Variants in SMYD3 observed in about 807,000 individuals in gnomAD.
The protein encoded by SMYD3 is histone-lysine N-methyltransferase SMYD3.
In SMYD3, 36 loss-of-function variants were observed where a neutral mutation model predicts 57.7. The observed-to-expected ratio is 0.62, with a 90% CI of 0.48 to 0.82. The LOEUF (loss-of-function observed/expected upper bound fraction) is 0.82. SMYD3 is among the 40% of genes least tolerant of loss of function. The probability of loss-of-function intolerance (pLI) is 0.00; values close to 1 mark genes in which losing one functional copy is unlikely to be tolerated. For missense variants in SMYD3, 515 were observed against 538.8 expected (o/e 0.96, Z 0.44); for synonymous variants, 211 against 195.0 (o/e 1.08, Z -0.68).
At chr1:245,973,845 C>G (rs1414714267) in intron 5 of SMYD3, among the ~76,000 whole-genome samples, 1 of 152,148 alleles carries the variant, frequency 6.6e-6, no homozygotes. Flanking sequence ...CTATTTCTCA[C>G]CAAGTCATTC....
At chr1:245,756,978 A>G (rs2045633122) in intron 11 of SMYD3, among the ~76,000 whole-genome samples, 1 of 152,114 alleles carries the variant, frequency 6.6e-6, no homozygotes, top group African/African-American at 2.4e-5. Context: ...ACAATATGGT[A>G]AAGTACACAA....
chr1:246,265,452 T>TTTG (rs1553322315), intron 5 of SMYD3, among the ~76,000 whole-genome samples: 1 of 152,318 alleles, frequency 6.6e-6, no homozygotes, highest in East Asian at 1.9e-4. Flanking sequence ...CTTCGTTTTT[T>TTTG]TTGTTGTTGT....
rs1460995688 is a variant in SMYD3 at position 246,507,174 on chromosome 1, C to A, written c.44G>T (p.Gly15Val). 1 of 1,532,220 alleles carries A rather than the reference C, an allele frequency of 6.5e-7. No individual in the cohort carries two copies. Among genetic ancestry groups the A allele is most frequent in the Admixed American group, 2.0e-5 (1 of 48,912 alleles). The allele number at this position is 1,532,220 out of a possible 1,614,324, so 94.9% of individuals were successfully genotyped here. A position where few individuals can be genotyped will look rare whatever the true frequency, so the allele number is the denominator to read the frequency against. The change falls in exon 1 of 12, where the codon GGA becomes GTA. Residue 15 changes from glycine to valine, a missense_variant. Physicochemically the swap from Gly to Val is moderately radical, Grantham distance 109. Transcript: ENST00000490107. ...CGGGGTCACGGCGCGCAGCCCGTTTCCCCTCTTGGCGGTTGCGAACTTTTC... is the reference window on the plus strand; with the variant it reads ...CGGGGTCACGGCGCGCAGCCCGTTTACCCTCTTGGCGGTTGCGAACTTTTC... ...KVEKFATAKR[G>V]NGLRAVTPLR...
chr1:246,001,365 G>A (rs941518587), intron 5 of SMYD3, among the ~76,000 whole-genome samples: 6 of 152,262 alleles, frequency 3.9e-5, no homozygotes, highest in South Asian at 4.1e-4. Flanking sequence ...CCACAAGCAC[G>A]TCCTCCTCTT....
intron 5 of SMYD3, among the ~76,000 whole-genome samples, chr1:246,166,084 G>A (rs750363885): frequency 3.4e-4 from 52 of 151,616 alleles, no homozygotes; most frequent in Non-Finnish European, 6.6e-4. Context: ...TGTGGACTAG[G>A]TTCCCCTCCC....
intron 8 of SMYD3, among the ~76,000 whole-genome samples, chr1:245,867,644 ATG>A (rs1558438823): frequency 1.2e-4 from 18 of 145,320 alleles, no homozygotes; most frequent in Non-Finnish European, 2.1e-4. Flanking sequence ...AGATATGTGC[ATG>A]CGCGTGCGTG....
At chr1:245,880,112 G>A (rs1009657163) in intron 8 of SMYD3, among the ~76,000 whole-genome samples, 17 of 152,208 alleles carry the variant, frequency 1.1e-4, no homozygotes, top group Non-Finnish European at 1.9e-4. Flanking sequence ...GTGCGTTGCT[G>A]TACACACTAG....
At chr1:246,093,958 G>A (rs930202638) in intron 5 of SMYD3, among the ~76,000 whole-genome samples, 4 of 152,046 alleles carry the variant, frequency 2.6e-5, no homozygotes, top group South Asian at 2.1e-4. Context: ...ACTAGAAGTC[G>A]GTGTAGCGTG....
chr1:246,423,456 C>T (rs989057616), intron 1 of SMYD3, among the ~76,000 whole-genome samples: 1 of 151,872 alleles, frequency 6.6e-6, no homozygotes, highest in Non-Finnish European at 1.5e-5. Flanking sequence ...ATCCCACCTC[C>T]TAGAGGGGAT....
intron 1 of SMYD3, among the ~76,000 whole-genome samples, chr1:246,395,434 G>A (rs2066643413): frequency 6.6e-6 from 1 of 152,224 alleles, no homozygotes; most frequent in Non-Finnish European, 1.5e-5. Flanking sequence ...TTCAGCCTGA[G>A]ACAAATTGAT....
Position 245,797,999 on chromosome 1 carries a change from G to C in SMYD3, c.1077-33850C>G, listed in dbSNP as rs183506553. ...ATTTTGGGTTGAGGTACAGAAACCA[G>C]ATAAAGCCTTGTTCATTTGCTCATT... On this transcript the variant is annotated intron_variant, in intron 10 of 11. Transcript: ENST00000490107. 3.5e-3 allele frequency among the ~76,000 whole-genome samples: 533 copies of C among 152,324 alleles called. 2 individuals carry two copies. The highest frequency in any genetic ancestry group is 0.01 in the Middle Eastern group (3 of 294).
At chr1:245,762,556 T>G (rs577204430) in intron 11 of SMYD3, among the ~76,000 whole-genome samples, 15 of 152,272 alleles carry the variant, frequency 9.9e-5, no homozygotes, top group African/African-American at 2.9e-4. Flanking sequence ...CAACAGACGG[T>G]GCGGTGTTCT....
intron 1 of SMYD3, among the ~76,000 whole-genome samples, chr1:246,473,753 T>C (rs2103051403): frequency 6.6e-6 from 1 of 152,334 alleles, no homozygotes; most frequent in Admixed American, 6.5e-5. Context: ...AGTTTGTTTT[T>C]TGGGGCGAGG....
intron 8 of SMYD3, among the ~76,000 whole-genome samples, chr1:245,895,908 G>C (rs1014002676): frequency 3.3e-5 from 5 of 152,206 alleles, no homozygotes; most frequent in Non-Finnish European, 7.3e-5. Flanking sequence ...CTAAAAAGAA[G>C]CTGAAATAAT....
chr1:246,412,419 A>C (rs1681504892), intron 1 of SMYD3, among the ~76,000 whole-genome samples: 1 of 152,190 alleles, frequency 6.6e-6, no homozygotes, highest in African/African-American at 2.4e-5. Context: ...ATCTCTTTTC[A>C]ATGCCTTCTA....
chr1:245,919,016 A>T (rs2055662028), intron 7 of SMYD3, among the ~76,000 whole-genome samples: 1 of 152,116 alleles, frequency 6.6e-6, no homozygotes, highest in East Asian at 1.9e-4. Context: ...CCAACAGGAG[A>T]CTAGTTATTT....
chr1:246,330,024 T>C (rs558659109), intron 4 of SMYD3, among the ~76,000 whole-genome samples: 101 of 152,144 alleles, frequency 6.6e-4, no homozygotes, highest in Admixed American at 1.1e-3. Context: ...CAGAGAAGAA[T>C]GATGCTTCAC....
intron 11 of SMYD3, among the ~76,000 whole-genome samples, chr1:245,755,036 T>TAATC (rs1022934122): frequency 2.0e-5 from 3 of 152,192 alleles, no homozygotes; most frequent in Admixed American, 1.3e-4. Context: ...TATCACTGTT[T>TAATC]AATCAATCAA....
chr1:245,763,070 C>T (rs1385069963), intron 11 of SMYD3, among the ~76,000 whole-genome samples: 2 of 152,202 alleles, frequency 1.3e-5, no homozygotes, highest in Non-Finnish European at 2.9e-5. Context: ...CCCTGGGCTC[C>T]TCCGGGCAGA....
Sources: gnomAD v4.1 joint callset for allele counts (sites outside exome capture counted in the v4.1 genomes callset) on GRCh38, gnomAD v4.1.1 for gene constraint, MANE v1.5 for transcripts, NCBI Gene and HGNC (gene_info 2026-07-23, HGNC 2026-07-21) for gene names.